DLGAP2: variants seen among roughly 807,000 people sequenced by gnomAD.
DLGAP2 encodes disks large-associated protein 2.
In DLGAP2, 26 loss-of-function variants were observed where a neutral mutation model predicts 100.3. The ratio of observed to expected loss-of-function variants is 0.26; its 90% CI spans 0.19 to 0.36. The LOEUF is 0.36. Ranked by LOEUF, DLGAP2 falls within the 10% of genes least tolerant of loss-of-function variation. DLGAP2 has a pLI of 1.00. For missense variants in DLGAP2, 1,858 were observed against 1,453.2 expected, an observed-to-expected ratio of 1.28 and a Z score of -4.53; for synonymous variants, 886 against 630.1, an observed-to-expected ratio of 1.41 and a Z score of -6.08.
chr8:1,205,474 G>T (rs1797970470), intron 2 of DLGAP2, among the ~76,000 whole-genome samples: 1 of 152,176 alleles, frequency 6.6e-6, no homozygotes, highest in African/African-American at 2.4e-5. Flanking sequence ...AAAAGCTTGG[G>T]AGAGAGTCCA....
chr8:1,257,690 C>T (rs917458253), intron 2 of DLGAP2, among the ~76,000 whole-genome samples: 1 of 151,488 alleles, frequency 6.6e-6, no homozygotes, highest in Non-Finnish European at 1.5e-5. Context: ...CCGTGCAGGC[C>T]AGTGCTGGCG....
intron 9 of DLGAP2, 35 bp from the exon 10 acceptor site, chr8:1,669,708 A>C: frequency 1.3e-6 from 1 of 780,828 alleles, no homozygotes; most frequent in Non-Finnish European, 2.4e-6. Flanking sequence ...CCTCCGAACC[A>C]GGTCTCCACA....
intron 1 of DLGAP2, among the ~76,000 whole-genome samples, chr8:772,186 C>A (rs1821380957): frequency 6.6e-6 from 1 of 152,156 alleles, no homozygotes; most frequent in African/African-American, 2.4e-5. Context: ...CAGGCATCAG[C>A]CACTGTGCCC....
At chr8:1,506,024 A>G (rs1799901000) in intron 4 of DLGAP2, among the ~76,000 whole-genome samples, 1 of 152,254 alleles carries the variant, frequency 6.6e-6, no homozygotes, top group Admixed American at 6.5e-5. Context: ...CACACTGTGT[A>G]ATTTTGAAAT....
chr8:1,096,911 C>G (rs1249986867), intron 2 of DLGAP2, among the ~76,000 whole-genome samples: 1 of 106,776 alleles, frequency 9.4e-6, no homozygotes, highest in African/African-American at 3.6e-5. Flanking sequence ...CACCTCCCTG[C>G]GCTCAGTACA....
At chr8:1,180,364 C>G (rs1270173773) in intron 2 of DLGAP2, among the ~76,000 whole-genome samples, 2 of 152,216 alleles carry the variant, frequency 1.3e-5, no homozygotes, top group African/African-American at 2.4e-5. Context: ...CTTCTGATTT[C>G]TTTGATTCAT....
intron 3 of DLGAP2, chr8:1,369,325 A>C (rs534270913): frequency 1.4e-4 from 22 of 152,284 alleles, no homozygotes; most frequent in Admixed American, 1.2e-3. Context: ...TGGCTGGCAG[A>C]CGCTGTCTTC....
intron 2 of DLGAP2, among the ~76,000 whole-genome samples, chr8:1,229,902 C>T (rs1213533686): frequency 6.6e-6 from 1 of 152,142 alleles, no homozygotes; most frequent in Non-Finnish European, 1.5e-5. Context: ...GACAAACCCA[C>T]AGCCAACATT....
At chr8:1,093,137 G>A (rs1050831216) in intron 2 of DLGAP2, among the ~76,000 whole-genome samples, 1 of 152,130 alleles carries the variant, frequency 6.6e-6, no homozygotes, top group Non-Finnish European at 1.5e-5. Flanking sequence ...CAGCAGACTG[G>A]GTGAGGCCCA....
At chr8:1,112,323 C>G (rs1169156226) in intron 2 of DLGAP2, among the ~76,000 whole-genome samples, 1 of 139,984 alleles carries the variant, frequency 7.1e-6, no homozygotes, top group Non-Finnish European at 1.5e-5. Flanking sequence ...TCACTGCAAG[C>G]TCCGCCTCCC....
At chr8:806,997 C>T (rs887831559) in intron 1 of DLGAP2, among the ~76,000 whole-genome samples, 3 of 152,314 alleles carry the variant, frequency 2.0e-5, no homozygotes, top group East Asian at 1.9e-4. Context: ...CAAGCACGTG[C>T]TTTCACCCTG....
chr8:798,716 G>A (rs1332011509), intron 1 of DLGAP2, among the ~76,000 whole-genome samples: 4 of 128,914 alleles, frequency 3.1e-5, no homozygotes, highest in South Asian at 2.8e-4. Flanking sequence ...CCCGGCGCTG[G>A]CCAGGTGATG....
chr8:1,249,881 C>G (rs769009141), intron 2 of DLGAP2, among the ~76,000 whole-genome samples: 4 of 152,116 alleles, frequency 2.6e-5, no homozygotes, highest in South Asian at 4.2e-4. Flanking sequence ...AGCTAATTAA[C>G]TTTATTTTCT....
chr8:1,275,572 C>T (rs945837101), intron 3 of DLGAP2, among the ~76,000 whole-genome samples: 3 of 151,098 alleles, frequency 2.0e-5, no homozygotes, highest in East Asian at 1.9e-4. Context: ...ATTCCCAGAT[C>T]TTCACAAAGA....
chr8:739,327 G>A (rs1040579645), intron 1 of DLGAP2: 2 of 152,306 alleles, frequency 1.3e-5, no homozygotes, highest in Admixed American at 6.5e-5. Context: ...CCGACAATCC[G>A]CCCTGTCAGG....
intron 3 of DLGAP2, among the ~76,000 whole-genome samples, chr8:1,321,583 A>G (rs1800903262): frequency 6.6e-6 from 1 of 152,230 alleles, no homozygotes; most frequent in Admixed American, 6.5e-5. Flanking sequence ...GCTCACAGGA[A>G]TTCAGCGGAT....
chr8:1,432,735 C>T (rs921155962), intron 3 of DLGAP2, among the ~76,000 whole-genome samples: 8 of 152,214 alleles, frequency 5.3e-5, no homozygotes, highest in African/African-American at 1.9e-4. Flanking sequence ...GCCAGGGCCT[C>T]TGGGGACCTC....
chr8:1,508,739 C>G (rs1462621680), intron 4 of DLGAP2, among the ~76,000 whole-genome samples: 2 of 150,756 alleles, frequency 1.3e-5, no homozygotes, highest in East Asian at 4.1e-4. Context: ...ACCCAGTGCC[C>G]GCAGGAGGCG....
intron 1 of DLGAP2, among the ~76,000 whole-genome samples, chr8:741,982 C>G (rs10090755): frequency 6.6e-6 from 1 of 152,014 alleles, no homozygotes; most frequent in Non-Finnish European, 1.5e-5. Context: ...AGAAGGGCGG[C>G]TGTTATGCAG....
Sources: gnomAD v4.1 joint callset for allele counts (sites outside exome capture counted in the v4.1 genomes callset) on GRCh38, gnomAD v4.1.1 for gene constraint, MANE v1.5 for transcripts, NCBI Gene and HGNC (gene_info 2026-07-23, HGNC 2026-07-21) for gene names.